The following DPF3 variants were observed in gnomAD, a reference collection of about 807,000 sequenced individuals.
The protein encoded by DPF3 is zinc finger protein DPF3.
In DPF3, 18 loss-of-function variants were observed where a neutral mutation model predicts 56.8. The ratio of observed to expected loss-of-function variants is 0.32; its 90% CI spans 0.22 to 0.47. DPF3 has a LOEUF of 0.47. Ranked by LOEUF, DPF3 falls within the 20% of genes least tolerant of loss-of-function variation. The pLI is 1.00. For missense variants in DPF3, 403 were observed against 488.8 expected (o/e 0.82, Z 1.65); for synonymous variants, 188 against 180.2 (o/e 1.04, Z -0.35).
intron 3 of DPF3, among the ~76,000 whole-genome samples, chr14:72,745,916 AG>A (rs1890305641): frequency 6.6e-6 from 1 of 152,238 alleles, no homozygotes; most frequent in Non-Finnish European, 1.5e-5. Context: ...CCCCCAAAAA[AG>A]GGAGGAGTCC....
intron 9 of DPF3, among the ~76,000 whole-genome samples, chr14:72,622,388 T>C (rs531062862): frequency 6.6e-6 from 1 of 152,282 alleles, no homozygotes; most frequent in East Asian, 1.9e-4. Context: ...TACATCATTA[T>C]TGCAGAGCCA....
At chr14:72,843,927 A>G (rs546431164) in intron 1 of DPF3, among the ~76,000 whole-genome samples, 3 of 152,332 alleles carry the variant, frequency 2.0e-5, no homozygotes, top group African/African-American at 4.8e-5. Context: ...ATCTCTATCT[A>G]TGAGGTTGGG....
intron 1 of DPF3, among the ~76,000 whole-genome samples, chr14:72,824,828 T>C (rs1883721301): frequency 6.6e-6 from 1 of 151,960 alleles, no homozygotes. Context: ...TACTTCAGCC[T>C]CCCAAAGTGC....
intron 7 of DPF3, among the ~76,000 whole-genome samples, chr14:72,674,932 T>A (rs376828388): frequency 2.0e-5 from 3 of 152,318 alleles, no homozygotes; most frequent in East Asian, 3.9e-4. Flanking sequence ...TGGTGGAGTA[T>A]CAATCTCCCT....
At chr14:72,773,818 A>G (rs1891643029) in intron 1 of DPF3, 1 of 448,082 alleles carries the variant, frequency 2.2e-6, no homozygotes. Context: ...TTTAAGTCAG[A>G]ATAATATTTT....
chr14:72,688,303 GT>G, intron 7 of DPF3, among the ~76,000 whole-genome samples: 1 of 90,438 alleles, frequency 1.1e-5, no homozygotes, highest in Non-Finnish European at 2.1e-5. Context: ...GGATGGGTGG[GT>G]GGGTGGGTGG....
chr14:72,730,417 T>C (rs1346981699), intron 4 of DPF3, among the ~76,000 whole-genome samples: 1 of 152,104 alleles, frequency 6.6e-6, no homozygotes, highest in East Asian at 1.9e-4. Flanking sequence ...GGCAACTCAA[T>C]GGAAAAGATT....
chr14:72,721,477 T>C (rs1889171126), intron 5 of DPF3, among the ~76,000 whole-genome samples: 1 of 152,174 alleles, frequency 6.6e-6, no homozygotes. Flanking sequence ...CCTTTAATAA[T>C]GGAATTCAAT....
At chr14:72,667,786 A>T (rs1206584105) in intron 8 of DPF3, among the ~76,000 whole-genome samples, 2 of 152,326 alleles carry the variant, frequency 1.3e-5, no homozygotes, top group East Asian at 1.9e-4. Flanking sequence ...TAAAAGCTAT[A>T]TTCATTACAA....
intron 3 of DPF3, among the ~76,000 whole-genome samples, chr14:72,736,688 C>A (rs948982728): frequency 2.6e-5 from 4 of 152,128 alleles, no homozygotes; most frequent in African/African-American, 7.2e-5. Flanking sequence ...ATGTCCTAAA[C>A]ACACTTCTAT....
At chr14:72,830,101 T>C (rs765553207) in intron 1 of DPF3, among the ~76,000 whole-genome samples, 4 of 152,234 alleles carry the variant, frequency 2.6e-5, no homozygotes, top group Non-Finnish European at 5.9e-5. Flanking sequence ...AATGTGGTCT[T>C]GCCAACTTTT....
chr14:72,866,389 C>T (rs1599508252), intron 1 of DPF3, among the ~76,000 whole-genome samples: 1 of 150,690 alleles, frequency 6.6e-6, no homozygotes, highest in South Asian at 2.1e-4. Context: ...TCAGGTCCTT[C>T]GTGACCTGTC....
intron 8 of DPF3, among the ~76,000 whole-genome samples, chr14:72,644,521 T>A (rs766793955): frequency 2.6e-5 from 4 of 152,222 alleles, no homozygotes; most frequent in Non-Finnish European, 5.9e-5. Context: ...AGAGTTGGAA[T>A]AGTACAAGAG....
At position 72,892,253 on chromosome 14, in the gene DPF3, T is replaced by G. The variant is rs892531035; in HGVS notation, c.32+1804A>C. Reference sequence around the variant, plus strand: ...GGGAAACTGAAAATCAGTTGTGGGTTCGGTAGAAACAGCATCAGCGGTGTT... The same window carrying G: ...GGGAAACTGAAAATCAGTTGTGGGTGCGGTAGAAACAGCATCAGCGGTGTT... On this transcript the variant is annotated intron_variant, in intron 1 of 10. Coordinates refer to ENST00000556509, the MANE Select transcript of DPF3 (RefSeq NM_001280542.3). 1.6e-5 allele frequency: 24 copies of G among 1,535,390 alleles called. No homozygotes were observed. In the Admixed American group the frequency reaches 4.7e-4, roughly 30 times the overall value.
At chr14:72,793,653 C>T (rs1892528186) in intron 1 of DPF3, among the ~76,000 whole-genome samples, 1 of 152,184 alleles carries the variant, frequency 6.6e-6, no homozygotes, top group Non-Finnish European at 1.5e-5. Context: ...CCATGTAGAG[C>T]ATCCAAAGAT....
At chr14:72,649,448 G>A (rs1378459651) in intron 8 of DPF3, among the ~76,000 whole-genome samples, 2 of 152,150 alleles carry the variant, frequency 1.3e-5, no homozygotes, top group African/African-American at 4.8e-5. Flanking sequence ...TTCCAGAAGA[G>A]TGAGGACAGA....
chr14:72,781,406 T>C (rs1002262088), intron 1 of DPF3, among the ~76,000 whole-genome samples: 1 of 152,204 alleles, frequency 6.6e-6, no homozygotes, highest in Non-Finnish European at 1.5e-5. Context: ...GAAAGTTATG[T>C]CCGACAAACA....
chr14:72,716,098 A>G (rs1888913851), intron 5 of DPF3, among the ~76,000 whole-genome samples: 3 of 151,724 alleles, frequency 2.0e-5, no homozygotes, highest in African/African-American at 4.8e-5. Context: ...AAGCAAGTCA[A>G]GCAGAATGAC....
chr14:72,757,102 A>AGAGGGAGG (rs1275018299), intron 2 of DPF3, among the ~76,000 whole-genome samples: 1 of 74,970 alleles, frequency 1.3e-5, no homozygotes, highest in Non-Finnish European at 2.4e-5. Context: ...AGGAAGGGAG[A>AGAGGGAGG]GAGGGAGGGA....
Sources: gnomAD v4.1 joint callset for allele counts (sites outside exome capture counted in the v4.1 genomes callset) on GRCh38, gnomAD v4.1.1 for gene constraint, MANE v1.5 for transcripts, NCBI Gene and HGNC (gene_info 2026-07-23, HGNC 2026-07-21) for gene names.